Variants in PSD4 observed in about 807,000 individuals in gnomAD.
PSD4 encodes the protein pleckstrin and Sec7 domain containing 4, also known as PH and SEC7 domain-containing protein 4.
Under a neutral mutation model 112.5 loss-of-function variants are expected in PSD4, and 59 were observed. The ratio of observed to expected loss-of-function variants is 0.52; its 90% CI spans 0.43 to 0.65. The LOEUF is 0.65. PSD4 is among the 30% of genes least tolerant of loss of function. PSD4 has a pLI of 0.00. For missense variants in PSD4, 1,267 were observed against 1,352.6 expected (o/e 0.94, Z 0.99); for synonymous variants, 533 against 540.0 (o/e 0.99, Z 0.18).
chr2:113,182,656 G>A lies in PSD4; in HGVS notation c.200G>A (p.Gly67Asp). Residue 67 changes from glycine to aspartate, a missense_variant, in exon 2 of 17, where the codon GGC (glycine) becomes GAC (aspartate). Physicochemically the swap from Gly to Asp is moderately conservative, Grantham distance 94 (BLOSUM62 -1). Around this residue, in one of 2 missense-constraint regions of PSD4, gnomAD observed 723 missense variants for 704.0 expected, o/e 1.03. Transcript: ENST00000245796. ...ACCAGACAAAATGTTCCTCCCTGGG[G>A]CTCCGGTGTGGAGCTCACACACCTG... is the stretch of plus-strand genomic sequence containing the variant. ...EPTRQNVPPW[G>D]SGVELTHLGS... 2 of 1,613,788 alleles carry A rather than the reference G, an allele frequency of 1.2e-6. No homozygotes were observed. Among genetic ancestry groups the A allele is most frequent in the Non-Finnish European group, 8.5e-7 (1 of 1,179,870 alleles).
chr2:113,181,424 G>C (rs906443128), intron 1 of PSD4, among the ~76,000 whole-genome samples: 2 of 152,178 alleles, frequency 1.3e-5, no homozygotes, highest in African/African-American at 4.8e-5. Flanking sequence ...CCGTGTAAGC[G>C]GTGGGCTGCA....
chr2:113,183,280 C>A lies in PSD4; in HGVS notation c.824C>A (p.Ala275Glu). 6.2e-7 allele frequency: 1 copy of A among 1,613,960 alleles called. No individual in the cohort carries two copies. Among genetic ancestry groups the A allele is most frequent in the Non-Finnish European group, 8.5e-7 (1 of 1,179,856 alleles). The change falls in exon 2 of 17, where the codon GCA becomes GAA. Residue 275 changes from alanine to glutamate, a missense_variant. By Grantham distance (107) the Ala-to-Glu change is moderately radical (BLOSUM62 -1). Around this residue, in one of 2 missense-constraint regions of PSD4, gnomAD observed 723 missense variants for 704.0 expected, o/e 1.03. Transcript: ENST00000245796. Reference protein sequence around the residue: ...CFSWGASDSHAGVRTGPESPA... With the variant: ...CFSWGASDSHEGVRTGPESPA... ...TCCTGGGGGGCTTCAGACTCCCATGCAGGTGTGAGGACTGGACCTGAGAGC... is the reference window on the plus strand; with the variant it reads ...TCCTGGGGGGCTTCAGACTCCCATGAAGGTGTGAGGACTGGACCTGAGAGC...
Position 113,174,353 on chromosome 2 carries a change from C to T in PSD4, c.-112+299C>T, listed in dbSNP as rs74587754. On this transcript the variant is annotated intron_variant, in intron 1 of 16. Coordinates refer to ENST00000245796, the MANE Select transcript of PSD4 (RefSeq NM_012455.3). ...CTGTTGTTTCCCTTCCCTGGCTCCC[C>T]GCAGAGCCTCTGGAGGTCTGCAATA... 1.4e-3 allele frequency among the ~76,000 whole-genome samples: 206 copies of T among 152,302 alleles called. 5 individuals are homozygous for T. In the East Asian group the frequency reaches 0.031, roughly 23 times the overall value.
rs777770706 is a variant in PSD4 at position 113,199,229 on chromosome 2, G to C, written c.2913+3G>C. Reference sequence around the variant, plus strand: ...GGAAGGAGTACCTGGAGTACGAGGTGAGCGGCCGAGCCCACCTCCCCGCCG... The same window carrying C: ...GGAAGGAGTACCTGGAGTACGAGGTCAGCGGCCGAGCCCACCTCCCCGCCG... On this transcript the variant is annotated splice_donor_region_variant and intron_variant, in intron 16 of 16. Transcript: ENST00000245796. The C allele has an allele frequency of 4.0e-6, 6 of 1,484,936 alleles. No individual in the cohort carries two copies. Among genetic ancestry groups the C allele is most frequent in the Non-Finnish European group, 5.3e-6 (6 of 1,123,294 alleles). 92.0% of individuals were successfully genotyped at this position (1,484,936 alleles called of 1,614,324 possible). A position where few individuals can be genotyped will look rare whatever the true frequency, so the allele number is the denominator to read the frequency against.
In PSD4 at chr2:113,201,179, G is replaced by A. The variant is rs1472855505; in HGVS notation, c.2935G>A (p.Val979Met). The A allele has an allele frequency of 4.3e-6, 7 of 1,612,898 alleles. No homozygotes were observed. The highest frequency in any genetic ancestry group is 3.4e-6 in the Non-Finnish European group (4 of 1,179,120). The change falls in exon 17 of 17, where the codon GTG becomes ATG. Residue 979 changes from valine to methionine, a missense_variant. By Grantham distance (21) the Val-to-Met change is conservative. This residue lies in a region of PSD4 where 544 missense variants were observed against 648.6 expected (regional missense o/e 0.84). Transcript: ENST00000245796. ...GCAGAAAACCCGCTACGAGACCTAC[G>A]TGCAGCTGCTGGTGGCCCGCCTGCA... ...EYEKTRYETY[V>M]QLLVARLHCP... is the part of the protein sequence containing the mutation.
chr2:113,203,287 G>T lies in PSD4; in HGVS notation c.*1872G>T, dbSNP rs1688816988. The T allele has an allele frequency of 6.6e-6, 1 of 152,162 alleles. No individual in the cohort carries two copies. The highest frequency in any genetic ancestry group is 2.1e-4 in the South Asian group (1 of 4,832). 9.4% of individuals were successfully genotyped at this position (152,162 alleles called of 1,614,324 possible). ...CAGTTTACAGAGGCACTTTTATCTT[G>T]CTGGGGAAGTGTGCTGAAAAGACAC... On this transcript the variant is annotated 3_prime_UTR_variant, in exon 17 of 17. Coordinates refer to ENST00000245796, the MANE Select transcript of PSD4 (RefSeq NM_012455.3).
Position 113,204,532 on chromosome 2 carries a change from C to T in PSD4, c.*3117C>T, listed in dbSNP as rs888079072. ...TTCTCTTTGCAGGAGAAGGGACAGACAGAGGTTCTCAGTGATGAGCTCAGG... is the reference window on the plus strand; with the variant it reads ...TTCTCTTTGCAGGAGAAGGGACAGATAGAGGTTCTCAGTGATGAGCTCAGG... On this transcript the variant is annotated 3_prime_UTR_variant, in exon 17 of 17. Transcript: ENST00000245796. 1 of 152,354 alleles carries T rather than the reference C, an allele frequency of 6.6e-6. No homozygotes were observed. Among genetic ancestry groups the T allele is most frequent in the Non-Finnish European group, 1.5e-5 (1 of 68,142 alleles). The allele number at this position is 152,354 out of a possible 1,614,324, so 9.4% of individuals were successfully genotyped here.
At position 113,201,324 on chromosome 2, in the gene PSD4, A is replaced by T. The variant is rs778235953; in HGVS notation, c.3080A>T (p.Glu1027Val). The T allele has an allele frequency of 9.9e-6, 16 of 1,614,062 alleles. No homozygotes were observed. In the East Asian group the frequency reaches 3.6e-4, roughly 36 times the overall value. The change falls in exon 17 of 17, where the codon GAG becomes GTG. Residue 1027 changes from glutamate (E) to valine (V), a missense_variant. Glu to Val is a moderately radical substitution (Grantham distance 121). This residue lies in a region of PSD4 where 544 missense variants were observed against 648.6 expected (regional missense o/e 0.84). Coordinates refer to ENST00000245796, the MANE Select transcript of PSD4 (RefSeq NM_012455.3). ...SHSSPSLHQD[E>V]APTTAKVKRN... ...TCGAGCCCGTCCCTGCACCAGGATGAGGCTCCCACCACGGCCAAGGTGAAG... is the reference window on the plus strand; with the variant it reads ...TCGAGCCCGTCCCTGCACCAGGATGTGGCTCCCACCACGGCCAAGGTGAAG...
At position 113,201,336 on chromosome 2, in the gene PSD4, C is replaced by T. The variant is rs775253069; in HGVS notation, c.3092C>T (p.Thr1031Met). The T allele has an allele frequency of 8.1e-6, 13 of 1,614,076 alleles. No homozygotes were observed. Among genetic ancestry groups the T allele is most frequent in the Middle Eastern group, 1.6e-4 (1 of 6,084 alleles). Residue 1031 changes from threonine (T) to methionine (M), a missense_variant, in exon 17 of 17, where the codon ACG becomes ATG. By Grantham distance (81) the Thr-to-Met change is moderately conservative. Transcript: ENST00000245796. ...CTGCACCAGGATGAGGCTCCCACCA[C>T]GGCCAAGGTGAAGCGCAACATCTCA... is the stretch of plus-strand genomic sequence containing the variant. ...PSLHQDEAPT[T>M]AKVKRNISER...
intron 5 of PSD4, among the ~76,000 whole-genome samples, chr2:113,190,204 G>T (rs925830688): frequency 6.6e-6 from 1 of 152,138 alleles, no homozygotes; most frequent in African/African-American, 2.4e-5. Flanking sequence ...GGTGAGAGAT[G>T]AGGATCCAGT....
chr2:113,185,290 C>T, intron 3 of PSD4, 75 bp from the exon 4 acceptor site: 1 of 1,588,518 alleles, frequency 6.3e-7, no homozygotes. Context: ...TTCCCCTTCT[C>T]CCTGCCTGGC....
Position 113,182,794 on chromosome 2 carries a change from T to C in PSD4, c.338T>C (p.Leu113Pro), listed in dbSNP as rs779832777. Residue 113 changes from leucine to proline, a missense_variant, in exon 2 of 17, where the codon CTC becomes CCC. Coordinates refer to ENST00000245796, the MANE Select transcript of PSD4 (RefSeq NM_012455.3). ...CCTCCCTGGGGCTCCGGTGTGGAGC[T>C]CACACACCTGGGGAGCCCCTCTGCC... ...DAPPWGSGVE[L>P]THLGSPSAQR... 2 of 1,602,120 alleles carry C rather than the reference T, an allele frequency of 1.2e-6. No individual in the cohort carries two copies. Among genetic ancestry groups the C allele is most frequent in the Non-Finnish European group, 1.7e-6 (2 of 1,172,586 alleles).
At chr2:113,198,609 C>A in intron 14 of PSD4, 131 bp from the exon 15 acceptor site, 2 of 1,141,104 alleles carry the variant, frequency 1.8e-6, no homozygotes, top group African/African-American at 1.6e-5. Flanking sequence ...CGGCTAGTGG[C>A]AGGGCTGTAA....
chr2:113,178,021 CAGCCTGA>C (rs1688024131), intron 1 of PSD4, among the ~76,000 whole-genome samples: 1 of 152,138 alleles, frequency 6.6e-6, no homozygotes, highest in Non-Finnish European at 1.5e-5. Context: ...AGTTTGAGAC[CAGCCTGA>C]TCAATATGGT....
chr2:113,174,879 T>C (rs1687925954), intron 1 of PSD4, among the ~76,000 whole-genome samples: 1 of 152,196 alleles, frequency 6.6e-6, no homozygotes, highest in South Asian at 2.1e-4. Context: ...ACTCCTCTGC[T>C]AGAATGCAGG....
At chr2:113,190,436 T>C (rs1245494141) in intron 5 of PSD4, among the ~76,000 whole-genome samples, 1 of 152,092 alleles carries the variant, frequency 6.6e-6, no homozygotes, top group Non-Finnish European at 1.5e-5. Context: ...AAACAGCTGT[T>C]ATTATTATTA....
rs757110810 is a variant in PSD4, at chr2:113,185,395, G to A, written c.1204G>A (p.Gly402Arg). 59 of 1,614,056 alleles carry A rather than the reference G, an allele frequency of 3.7e-5. No homozygotes were observed. The highest frequency in any genetic ancestry group is 4.8e-5 in the Non-Finnish European group (57 of 1,180,034). Residue 402 changes from glycine to arginine, a missense_variant, in exon 4 of 17, where the codon GGA (glycine) becomes AGA (arginine). This residue lies in a region of PSD4 where 723 missense variants were observed against 704.0 expected (regional missense o/e 1.03). Coordinates refer to ENST00000245796, the MANE Select transcript of PSD4 (RefSeq NM_012455.3). ...TCTCAGCCCTGAGGGCTGGCAGAGA[G>A]GAGGTCCTTTTTGGCCCCAGGTGAC... ...ASLSPEGWQR[G>R]GPFWPQVTLN... is the part of the protein sequence containing the mutation.
Position 113,183,263 on chromosome 2 carries a change from G to A in PSD4, c.807G>A (p.Gly269=), listed in dbSNP as rs138237414. The A allele has an allele frequency of 2.8e-5, 45 of 1,614,094 alleles. No individual in the cohort carries two copies. The East Asian group carries it at 6.9e-4, about 25-fold the overall frequency. The part of the protein sequence containing the change: ...NSASGECFSW[G]ASDSHAGVRT... ...CTTCTGGAGAGTGCTTTTCCTGGGG[G>A]GCTTCAGACTCCCATGCAGGTGTGA... The change falls in exon 2 of 17, where the codon GGG becomes GGA. Residue 269 remains glycine (G), a synonymous_variant. Transcript: ENST00000245796.
rs765511871 is a variant in PSD4 at position 113,186,226 on chromosome 2, G to A, written c.1599G>A (p.Gln533=). Residue 533 remains glutamine (Q), a synonymous_variant, in exon 5 of 17, where the codon CAG becomes CAA. Transcript: ENST00000245796. ...GGCCTGCAGAGACTGGAGACGTCCAGCCTGACATTCACCTGACTTCTGCAG... is the reference window on the plus strand; with the variant it reads ...GGCCTGCAGAGACTGGAGACGTCCAACCTGACATTCACCTGACTTCTGCAG... The part of the protein sequence containing the change: ...TARPAETGDV[Q]PDIHLTSAEH... 5 of 1,600,366 alleles carry A rather than the reference G, an allele frequency of 3.1e-6. No individual in the cohort carries two copies. In the Admixed American group the frequency reaches 5.1e-5, roughly 16 times the overall value.
Sources: allele counts gnomAD v4.1 joint callset (sites outside exome capture counted in the v4.1 genomes callset), GRCh38; gene constraint gnomAD v4.1.1; regional missense constraint gnomAD v4.1.1; transcripts MANE v1.5; gene names NCBI Gene and HGNC (gene_info 2026-07-23, HGNC 2026-07-21).